The following ILRUN variants were observed in gnomAD, a reference collection of about 807,000 sequenced individuals.
ILRUN encodes protein ILRUN.
Under a neutral mutation model 33.8 loss-of-function variants are expected in ILRUN, and 3 were observed. That is an observed-to-expected ratio of 0.09 (90% CI 0.04 to 0.23). The LOEUF is 0.23. Ranked by LOEUF, ILRUN falls within the 10% of genes least tolerant of loss-of-function variation. The probability of loss-of-function intolerance (pLI) is 1.00; values close to 1 mark genes in which losing one functional copy is unlikely to be tolerated. For synonymous variants in ILRUN, 124 were observed against 138.9 expected (o/e 0.89, Z 0.75); for missense variants, 210 against 375.1 (o/e 0.56, Z 3.64).
At chr6:34,692,590 G>C (rs765293746) in intron 1 of ILRUN, among the ~76,000 whole-genome samples, 5 of 152,052 alleles carry the variant, frequency 3.3e-5, no homozygotes, top group Non-Finnish European at 7.4e-5. Context: ...TGCACATTAT[G>C]TGTATATGTA....
At chr6:34,627,541 T>A (rs370623480) in intron 3 of ILRUN, among the ~76,000 whole-genome samples, 1 of 152,184 alleles carries the variant, frequency 6.6e-6, no homozygotes, top group Non-Finnish European at 1.5e-5. Flanking sequence ...ATTGTTGGCG[T>A]TTGGGATTAT....
At chr6:34,596,918 C>A (rs1257715667) in intron 4 of ILRUN, among the ~76,000 whole-genome samples, 1 of 152,096 alleles carries the variant, frequency 6.6e-6, no homozygotes, top group East Asian at 1.9e-4. Context: ...AACTTCTCAT[C>A]TACCCATTTA....
rs999901365 is a variant in ILRUN, at chr6:34,588,006, T to A, written c.*2559A>T. 16 of 398,262 alleles carry A rather than the reference T, an allele frequency of 4.0e-5. No homozygotes were observed. The highest frequency in any genetic ancestry group is 7.1e-5 in the Non-Finnish European group (16 of 226,116). The allele number at this position is 398,262 out of a possible 1,614,324, so 24.7% of individuals were successfully genotyped here. On this transcript the variant is annotated 3_prime_UTR_variant, in exon 5 of 5. Transcript: ENST00000374023. ...AGCAGGGACTATTGGGGCTGAGAGG[T>A]AGCCACTACCACCCCACTAGGCAGG...
chr6:34,653,154 A>AAAAGAAAGAAAAAG (rs1762703657), intron 2 of ILRUN, among the ~76,000 whole-genome samples: 1 of 144,392 alleles, frequency 6.9e-6, no homozygotes, highest in Non-Finnish European at 1.5e-5. Flanking sequence ...AAAAAAAAGA[A>AAAAGAAAGAAAAAG]AAAGAAAGAA....
intron 3 of ILRUN, among the ~76,000 whole-genome samples, chr6:34,623,786 A>C (rs1339018693): frequency 6.6e-6 from 1 of 152,200 alleles, no homozygotes; most frequent in East Asian, 1.9e-4. Context: ...TGTCCATTTT[A>C]TATGCAAATA....
intron 3 of ILRUN, among the ~76,000 whole-genome samples, chr6:34,632,212 G>A (rs962586469): frequency 4.6e-5 from 7 of 152,092 alleles, no homozygotes; most frequent in Non-Finnish European, 1.0e-4. Context: ...AGGCTGAGGC[G>A]GGTAGATCAC....
At chr6:34,639,293 G>A (rs1762424308) in intron 3 of ILRUN, among the ~76,000 whole-genome samples, 1 of 152,132 alleles carries the variant, frequency 6.6e-6, no homozygotes, top group South Asian at 2.1e-4. Flanking sequence ...TATTTAACAA[G>A]AACTACTTCA....
chr6:34,614,239 G>A (rs913426755), intron 3 of ILRUN, among the ~76,000 whole-genome samples: 13 of 151,676 alleles, frequency 8.6e-5, no homozygotes, highest in African/African-American at 2.9e-4. Flanking sequence ...TGGCTAAAAC[G>A]GTGAAATCCC....
chr6:34,592,194 C>T lies in ILRUN; in HGVS notation c.862-1594G>A, dbSNP rs1761307965. Among the ~76,000 whole-genome samples, 2 of 152,230 alleles carry T rather than the reference C, an allele frequency of 1.3e-5. No homozygotes were observed. Among genetic ancestry groups the T allele is most frequent in the Non-Finnish European group, 2.9e-5 (2 of 68,040 alleles). ...CTCAGGAGATGATTTGGGGAATGGACAGGCCAATACCAATGGGGCATCCAC... is the reference window on the plus strand; with the variant it reads ...CTCAGGAGATGATTTGGGGAATGGATAGGCCAATACCAATGGGGCATCCAC... On this transcript the variant is annotated intron_variant, in intron 4 of 4. Coordinates refer to ENST00000374023, the MANE Select transcript of ILRUN (RefSeq NM_024294.4). This position sits in a 1 kb window ranked among gnomAD's most constrained non-coding sequence, Gnocchi z 4.0.
At chr6:34,619,214 G>C (rs1183279909) in intron 3 of ILRUN, among the ~76,000 whole-genome samples, 1 of 151,988 alleles carries the variant, frequency 6.6e-6, no homozygotes. Context: ...AGCTAGAAGA[G>C]GAGAATTAAG....
At chr6:34,645,017 G>T (rs939480216) in intron 3 of ILRUN, among the ~76,000 whole-genome samples, 2 of 152,050 alleles carry the variant, frequency 1.3e-5, no homozygotes, top group African/African-American at 4.8e-5. Context: ...ATTACAGTAG[G>T]TACAAAGGCT....
chr6:34,681,493 G>A (rs1763356751), intron 1 of ILRUN, among the ~76,000 whole-genome samples: 1 of 152,124 alleles, frequency 6.6e-6, no homozygotes, highest in African/African-American at 2.4e-5. Flanking sequence ...ACCGGGTGTG[G>A]CGGCTCATGC....
intron 3 of ILRUN, among the ~76,000 whole-genome samples, chr6:34,642,805 T>G (rs1428076180): frequency 1.9e-5 from 2 of 104,826 alleles, no homozygotes; most frequent in East Asian, 5.4e-4. Flanking sequence ...CTAGGCAACA[T>G]AGGGAGGTCC....
At chr6:34,627,533 T>C (rs1427458202) in intron 3 of ILRUN, among the ~76,000 whole-genome samples, 3 of 152,232 alleles carry the variant, frequency 2.0e-5, no homozygotes, top group Non-Finnish European at 2.9e-5. Flanking sequence ...TATTTGGTAT[T>C]GTTGGCGTTT....
intron 1 of ILRUN, among the ~76,000 whole-genome samples, chr6:34,695,068 A>AC (rs1348239387): frequency 1.3e-5 from 2 of 151,744 alleles, no homozygotes; most frequent in African/African-American, 4.8e-5. Flanking sequence ...AAAAAAAAAA[A>AC]AAATTTACAC....
intron 3 of ILRUN, among the ~76,000 whole-genome samples, chr6:34,629,977 C>A (rs1762211952): frequency 6.6e-6 from 1 of 152,048 alleles, no homozygotes. Flanking sequence ...ATAAATTAGG[C>A]CCAGTAAGAG....
In ILRUN at chr6:34,606,691, G is replaced by C. The variant is rs1281937704; in HGVS notation, c.725C>G (p.Thr242Arg). ...CCATGTGTCAGGAGCAGGAGCCCAT[G>C]TGTTTTTGCTGATCGAGTCGAACTC... ...GSEFDSISKN[T>R]WAPAPDTWAP... The change falls in exon 4 of 5, where the codon ACA becomes AGA. Residue 242 changes from threonine to arginine, a missense_variant. By Grantham distance (71) the Thr-to-Arg change is moderately conservative. This residue lies in a region of ILRUN where 81 missense variants were observed against 97.0 expected (regional missense o/e 0.84). Coordinates refer to ENST00000374023, the MANE Select transcript of ILRUN (RefSeq NM_024294.4). 6.2e-7 allele frequency: 1 copy of C among 1,614,144 alleles called. No individual in the cohort carries two copies. Among genetic ancestry groups the C allele is most frequent in the East Asian group, 2.2e-5 (1 of 44,884 alleles).
chr6:34,654,614 TA>T lies in ILRUN; in HGVS notation c.313+10del. 1.2e-6 allele frequency: 2 copies of T among 1,606,820 alleles called. No homozygotes were observed. Among genetic ancestry groups the T allele is most frequent in the Non-Finnish European group, 1.7e-6 (2 of 1,177,692 alleles). ...AACTAGGCAAGGGAGGATTGCCCAT[TA>T]TGTACTTACCAGAATTCTGGATCCG... On this transcript the variant is annotated intron_variant, in intron 2 of 4. Transcript: ENST00000374023.
At chr6:34,595,046 A>G (rs916667290) in intron 4 of ILRUN, among the ~76,000 whole-genome samples, 14 of 152,262 alleles carry the variant, frequency 9.2e-5, no homozygotes, top group Admixed American at 9.2e-4. Flanking sequence ...GAGAACATTT[A>G]CAGACATAAA....
Sources: allele counts gnomAD v4.1 joint callset (sites outside exome capture counted in the v4.1 genomes callset), GRCh38; gene constraint gnomAD v4.1.1; regional missense constraint gnomAD v4.1.1; non-coding constraint Gnocchi (gnomAD v3.1); transcripts MANE v1.5; gene names NCBI Gene and HGNC (gene_info 2026-07-23, HGNC 2026-07-21).